Variants in CUL2 observed in about 807,000 individuals in gnomAD.
CUL2 encodes cullin-2.
A neutral mutation model predicts 110.2 loss-of-function variants in CUL2; 22 were observed. That is an observed-to-expected ratio of 0.20 (90% CI 0.14 to 0.28). The LOEUF (loss-of-function observed/expected upper bound fraction) is 0.28. Among genes scored for constraint, CUL2 ranks in the 10% least tolerant of loss-of-function variants. The probability of loss-of-function intolerance (pLI) is 1.00; values close to 1 mark genes in which losing one functional copy is unlikely to be tolerated. For synonymous variants in CUL2, 279 were observed against 293.2 expected (o/e 0.95, Z 0.49); for missense variants, 631 against 905.5 (o/e 0.70, Z 3.89).
intron 6 of CUL2, among the ~76,000 whole-genome samples, chr10:35,045,724 A>AAAAAAT (rs1389696059): frequency 6.6e-6 from 1 of 152,064 alleles, no homozygotes; most frequent in African/African-American, 2.4e-5. Flanking sequence ...CTCAAAAATT[A>AAAAAAT]AAAAATAAAA....
At chr10:35,078,390 G>C (rs536926538) in intron 1 of CUL2, among the ~76,000 whole-genome samples, 1 of 151,090 alleles carries the variant, frequency 6.6e-6, no homozygotes, top group African/African-American at 2.4e-5. Flanking sequence ...TCACATCCCA[G>C]GTGTGAGCAA....
intron 4 of CUL2, among the ~76,000 whole-genome samples, chr10:35,058,989 G>C (rs2086313841): frequency 6.6e-6 from 1 of 152,204 alleles, no homozygotes; most frequent in Non-Finnish European, 1.5e-5. Context: ...GAAACATCAA[G>C]AGAACTCAGA....
At chr10:35,073,901 T>A (rs1205951099) in intron 1 of CUL2, among the ~76,000 whole-genome samples, 1 of 152,188 alleles carries the variant, frequency 6.6e-6, no homozygotes, top group Non-Finnish European at 1.5e-5. Flanking sequence ...CCACTGCGCC[T>A]GACCTGTTCT....
chr10:35,084,886 G>A (rs148406906), intron 1 of CUL2, among the ~76,000 whole-genome samples: 2,089 of 152,148 alleles, frequency 0.014, 51 homozygotes, highest in African/African-American at 0.047. Flanking sequence ...TTGGTAAGCC[G>A]AGGCAAGTGA....
intron 17 of CUL2, among the ~76,000 whole-genome samples, chr10:35,019,448 C>A (rs956032569): frequency 1.3e-5 from 2 of 152,078 alleles, no homozygotes; most frequent in Admixed American, 1.3e-4. Flanking sequence ...CATACTCTTA[C>A]TGAAAAGACT....
intron 1 of CUL2, among the ~76,000 whole-genome samples, chr10:35,089,703 G>A (rs747665531): frequency 5.3e-5 from 8 of 152,194 alleles, no homozygotes; most frequent in Non-Finnish European, 1.2e-4. Context: ...CCTAAGGGTT[G>A]AGACAAGAAG....
chr10:35,123,121 G>A (rs2087697735), intron 1 of CUL2, among the ~76,000 whole-genome samples: 1 of 151,550 alleles, frequency 6.6e-6, no homozygotes, highest in African/African-American at 2.4e-5. Context: ...CAGGGTGACA[G>A]AGTGAGATCC....
At chr10:35,089,785 C>T (rs964871295) in intron 1 of CUL2, 2 of 151,578 alleles carry the variant, frequency 1.3e-5, no homozygotes, top group Non-Finnish European at 2.9e-5. Context: ...AAAGTGAAAA[C>T]ACTCGGGGTA....
chr10:35,072,331 G>A (rs890480482), intron 1 of CUL2, among the ~76,000 whole-genome samples: 3 of 151,422 alleles, frequency 2.0e-5, no homozygotes, highest in African/African-American at 7.3e-5. Flanking sequence ...TGAAAAGCAT[G>A]GCTCTAGCAT....
chr10:35,064,879 G>T lies in CUL2; in HGVS notation c.120-1817C>A, dbSNP rs368036525. On this transcript the variant is annotated intron_variant, in intron 2 of 20. Coordinates refer to ENST00000374749, the MANE Select transcript of CUL2 (RefSeq NM_003591.4). ...TAAATGTAAACAAAATCTACTGGAAGGATTTGTGCCAAATCTCCAGCTTAA... is the reference window on the plus strand; with the variant it reads ...TAAATGTAAACAAAATCTACTGGAATGATTTGTGCCAAATCTCCAGCTTAA... Among the ~76,000 whole-genome samples, 23 of 152,200 alleles carry T rather than the reference G, an allele frequency of 1.5e-4. No homozygotes were observed. The South Asian group carries it at 1.7e-3, about 11-fold the overall frequency.
chr10:35,058,287 T>C (rs192096676), intron 4 of CUL2, among the ~76,000 whole-genome samples: 2 of 152,284 alleles, frequency 1.3e-5, no homozygotes, highest in African/African-American at 4.8e-5. Flanking sequence ...GGCCATCCTC[T>C]TCCTGGACGA....
Position 35,031,270 on chromosome 10 carries a change from G to C in CUL2, c.1386+30C>G. The stretch of plus-strand genomic sequence containing the variant: ...TTATGTGCTTGTGAATGAATTTCTA[G>C]GACAATACCACATTAAAGACTTACA... On this transcript the variant is annotated intron_variant, in intron 14 of 20. Transcript: ENST00000374749. The surrounding 1 kb of genome is among the most constrained non-coding windows in gnomAD (Gnocchi z 4.4). The C allele has an allele frequency of 3.6e-6, 5 of 1,377,382 alleles. No homozygotes were observed. The highest frequency in any genetic ancestry group is 5.0e-6 in the Non-Finnish European group (5 of 991,080). The allele number at this position is 1,377,382 out of a possible 1,614,324, so 85.3% of individuals were successfully genotyped here. A position where few individuals can be genotyped will look rare whatever the true frequency, so the allele number is the denominator to read the frequency against.
rs1564749857 is a variant in CUL2 at position 35,090,321 on chromosome 10, CT to C, written c.-166del. The C allele has an allele frequency of 6.5e-6, 1 of 152,890 alleles. No homozygotes were observed. Among genetic ancestry groups the C allele is most frequent in the East Asian group, 1.9e-4 (1 of 5,182 alleles). The allele number at this position is 152,890 out of a possible 1,614,324, so 9.5% of individuals were successfully genotyped here. ...AGCTCGCGTTCCCCTGCTCACAGCG[CT>C]GCCATTACTGTGCGCCGAGGCCGCC... On this transcript the variant is annotated 5_prime_UTR_variant, in exon 1 of 21. It removes the in-frame stop codon of an upstream open reading frame in the 5' UTR. Coordinates refer to ENST00000374749, the MANE Select transcript of CUL2 (RefSeq NM_003591.4).
At chr10:35,097,234 G>A (rs967839064) in intron 2 of CUL2, among the ~76,000 whole-genome samples, 1 of 152,112 alleles carries the variant, frequency 6.6e-6, no homozygotes, top group Non-Finnish European at 1.5e-5. Context: ...TAAGAAAAAT[G>A]TATAAATACT....
intron 8 of CUL2, among the ~76,000 whole-genome samples, chr10:35,040,679 T>C (rs2085761758): frequency 6.6e-6 from 1 of 152,056 alleles, no homozygotes; most frequent in Admixed American, 6.6e-5. Context: ...TCCCTAACCT[T>C]TTAGGCACCA....
upstream of CUL2, among the ~76,000 whole-genome samples, chr10:35,091,650 C>T (rs1405358910): frequency 2.0e-5 from 3 of 151,760 alleles, no homozygotes; most frequent in African/African-American, 7.3e-5. Flanking sequence ...CAGAGTCTTG[C>T]TCTGTCACCC....
intron 17 of CUL2, among the ~76,000 whole-genome samples, chr10:35,021,934 G>A (rs1171126934): frequency 6.6e-6 from 1 of 151,172 alleles, no homozygotes; most frequent in African/African-American, 2.4e-5. Flanking sequence ...GGGGGCACCC[G>A]GCCCTATTAG....
intron 1 of CUL2, among the ~76,000 whole-genome samples, chr10:35,110,297 C>T (rs2087509946): frequency 1.3e-5 from 2 of 152,210 alleles, no homozygotes; most frequent in African/African-American, 4.8e-5. Flanking sequence ...GGCACAGTGG[C>T]TCATGCCTAT....
At chr10:35,089,718 G>C (rs1478206239) in intron 1 of CUL2, among the ~76,000 whole-genome samples, 1 of 152,160 alleles carries the variant, frequency 6.6e-6, no homozygotes, top group East Asian at 1.9e-4. Context: ...AAGAAGTCTA[G>C]CATGCACGTA....
Sources: gnomAD v4.1 joint callset for allele counts (sites outside exome capture counted in the v4.1 genomes callset) on GRCh38, gnomAD v4.1.1 for gene constraint, Gnocchi (gnomAD v3.1) non-coding constraint, MANE v1.5 for transcripts, NCBI Gene and HGNC (gene_info 2026-07-23, HGNC 2026-07-21) for gene names.